The following PRIM2 variants were observed in gnomAD, a reference collection of about 807,000 sequenced individuals.
The protein encoded by PRIM2 is DNA primase subunit 2.
In PRIM2, 39 loss-of-function variants were observed where a neutral mutation model predicts 67.3. The ratio of observed to expected loss-of-function variants is 0.58; its 90% CI spans 0.45 to 0.76. The LOEUF (loss-of-function observed/expected upper bound fraction) is 0.76. PRIM2 is among the 30% of genes least tolerant of loss of function. The probability of loss-of-function intolerance (pLI) is 0.00; values close to 1 mark genes in which losing one functional copy is unlikely to be tolerated. For synonymous variants in PRIM2, 143 were observed against 198.7 expected (o/e 0.72, Z 2.36); for missense variants, 398 against 598.7 (o/e 0.66, Z 3.50).
intron 7 of PRIM2, among the ~76,000 whole-genome samples, chr6:57,428,839 G>A (rs75035146): frequency 6.6e-6 from 1 of 152,276 alleles, no homozygotes; most frequent in East Asian, 1.9e-4. Flanking sequence ...TAACCATAGT[G>A]TTAGTGTTAA....
At chr6:57,317,733 G>A (rs1216742306) in intron 1 of PRIM2, 32 bp downstream of exon 1, 3 of 152,700 alleles carry the variant, frequency 2.0e-5, no homozygotes, top group African/African-American at 7.2e-5. Context: ...TTAGGACAGA[G>A]AGCAATCCTG....
intron 7 of PRIM2, among the ~76,000 whole-genome samples, chr6:57,468,031 A>G (rs1773246498): frequency 6.6e-6 from 1 of 152,202 alleles, no homozygotes; most frequent in East Asian, 1.9e-4. Flanking sequence ...TTGGGCTGAG[A>G]TGATGATGGG....
the PRIM2 span, among the ~76,000 whole-genome samples, chr6:57,278,553 C>T: frequency 6.6e-6 from 1 of 152,204 alleles, no homozygotes; most frequent in Non-Finnish European, 1.5e-5. Flanking sequence ...GAATTTACAA[C>T]TTTAATGTTT....
At chr6:57,455,415 T>C (rs1311706625) in intron 7 of PRIM2, among the ~76,000 whole-genome samples, 1 of 151,262 alleles carries the variant, frequency 6.6e-6, no homozygotes, top group Non-Finnish European at 1.5e-5. Flanking sequence ...TATTGTGTGG[T>C]AGTCTAAGTC....
intron 10 of PRIM2, among the ~76,000 whole-genome samples, chr6:57,594,588 T>A (rs1228871062): frequency 6.6e-6 from 1 of 152,246 alleles, no homozygotes; most frequent in Non-Finnish European, 1.5e-5. Flanking sequence ...GTCTTCAACA[T>A]ATGGTGTTCA....
At chr6:57,320,861 A>G (rs529240739) in intron 3 of PRIM2, among the ~76,000 whole-genome samples, 1 of 152,302 alleles carries the variant, frequency 6.6e-6, no homozygotes, top group South Asian at 2.1e-4. Flanking sequence ...ACATATTTCC[A>G]GACATGCCAA....
At chr6:57,511,641 T>G (rs1774370921) in intron 8 of PRIM2, among the ~76,000 whole-genome samples, 1 of 152,118 alleles carries the variant, frequency 6.6e-6, no homozygotes, top group African/African-American at 2.4e-5. Flanking sequence ...TTATTCTTTT[T>G]TTGTTGTTTT....
At chr6:57,552,926 C>T (rs1245559755) in intron 10 of PRIM2, among the ~76,000 whole-genome samples, 8 of 152,076 alleles carry the variant, frequency 5.3e-5, no homozygotes, top group African/African-American at 1.9e-4. Context: ...ACATTCATCT[C>T]AGATTTTCTC....
In PRIM2 at chr6:57,646,171, C is replaced by A. The variant is rs1447620395; in HGVS notation, c.*13C>A. The A allele has an allele frequency of 6.4e-7, 1 of 1,555,934 alleles. No homozygotes were observed. The highest frequency in any genetic ancestry group is 8.9e-7 in the Non-Finnish European group (1 of 1,129,696). ...TGAAGATTCTTAGGCAGTTTTATAA[C>A]CCTTTTTCCTCAATAGCCTGTTTCC... On this transcript the variant is annotated 3_prime_UTR_variant, in exon 14 of 14. Coordinates refer to ENST00000615550, the MANE Select transcript of PRIM2 (RefSeq NM_000947.5).
chr6:57,644,778 A>G (rs1206591199), intron 13 of PRIM2, among the ~76,000 whole-genome samples: 10 of 152,196 alleles, frequency 6.6e-5, no homozygotes, highest in Admixed American at 1.3e-4. Flanking sequence ...AATACCACCC[A>G]AGAAACCAAC....
the PRIM2 span, among the ~76,000 whole-genome samples, chr6:57,289,852 T>C: frequency 6.6e-6 from 1 of 152,066 alleles, no homozygotes; most frequent in African/African-American, 2.4e-5. Context: ...TACAAAAACA[T>C]GCCAAATTGT....
the PRIM2 span, among the ~76,000 whole-genome samples, chr6:57,306,256 G>C: frequency 6.6e-6 from 1 of 152,114 alleles, no homozygotes; most frequent in East Asian, 1.9e-4. Flanking sequence ...CCCAGGGCCA[G>C]ACTCAGCTCC....
At chr6:57,233,186 C>A in the PRIM2 span, among the ~76,000 whole-genome samples, 1 of 152,144 alleles carries the variant, frequency 6.6e-6, no homozygotes. Context: ...CCTTACTGAA[C>A]TTTTGTCTCA....
At chr6:57,392,218 AT>A (rs1316310442) in intron 7 of PRIM2, among the ~76,000 whole-genome samples, 1 of 152,004 alleles carries the variant, frequency 6.6e-6, no homozygotes, top group African/African-American at 2.4e-5. Flanking sequence ...TCGTTCATTG[AT>A]TTTGTATCCT....
intron 7 of PRIM2, among the ~76,000 whole-genome samples, chr6:57,386,552 C>A (rs1770160683): frequency 1.3e-5 from 2 of 151,084 alleles, no homozygotes. Context: ...CTTGCTTTCT[C>A]CTGGGTGGTT....
the PRIM2 span, among the ~76,000 whole-genome samples, chr6:57,258,988 T>C: frequency 5.3e-5 from 8 of 152,184 alleles, no homozygotes; most frequent in East Asian, 1.2e-3. Context: ...TATACAAATA[T>C]TGACCATAAC....
intron 7 of PRIM2, among the ~76,000 whole-genome samples, chr6:57,385,554 A>G (rs1743224190): frequency 6.6e-6 from 1 of 152,240 alleles, no homozygotes; most frequent in Admixed American, 6.5e-5. Context: ...AGTTACTACC[A>G]TCTAACCTCC....
chr6:57,627,211 T>C (rs1176850807), intron 12 of PRIM2, among the ~76,000 whole-genome samples: 1 of 113,200 alleles, frequency 8.8e-6, no homozygotes, highest in African/African-American at 3.4e-5. Flanking sequence ...ACCCGGGAGG[T>C]GGAGGTTGTA....
intron 7 of PRIM2, among the ~76,000 whole-genome samples, chr6:57,403,264 T>TTTTG (rs1770772392): frequency 6.8e-6 from 1 of 147,990 alleles, no homozygotes; most frequent in East Asian, 1.9e-4. Context: ...TTTTTTTTTT[T>TTTTG]TTTTTTTTTG....
Sources: allele counts gnomAD v4.1 joint callset (sites outside exome capture counted in the v4.1 genomes callset), GRCh38; gene constraint gnomAD v4.1.1; transcripts MANE v1.5; gene names NCBI Gene and HGNC (gene_info 2026-07-23, HGNC 2026-07-21).